Variants in ABTB3 observed in about 807,000 individuals in gnomAD.
ABTB3 encodes the protein ankyrin repeat- and BTB/POZ domain-containing protein 3.
At chr12:107,339,595 T>G in the ABTB3 span, among the ~76,000 whole-genome samples, 3 of 152,182 alleles carry the variant, frequency 2.0e-5, no homozygotes, top group Non-Finnish European at 2.9e-5. Flanking sequence ...GAAGCTTCAG[T>G]GTGTTTTCAT....
the ABTB3 span, among the ~76,000 whole-genome samples, chr12:107,446,586 G>A: frequency 6.6e-6 from 1 of 152,188 alleles, no homozygotes; most frequent in Non-Finnish European, 1.5e-5. Context: ...GTGACCAAAA[G>A]GAGCTCGGAG....
At chr12:107,511,249 A>C in the ABTB3 span, among the ~76,000 whole-genome samples, 2 of 152,260 alleles carry the variant, frequency 1.3e-5, no homozygotes, top group Non-Finnish European at 2.9e-5. Context: ...AAGCATTTTA[A>C]GACAACAAGT....
At chr12:107,470,615 C>T in the ABTB3 span, among the ~76,000 whole-genome samples, 40 of 152,300 alleles carry the variant, frequency 2.6e-4, no homozygotes, top group African/African-American at 8.7e-4. Flanking sequence ...ACTTGTCACT[C>T]GGAGCAGAGC....
chr12:107,651,887 G>A, the ABTB3 span: 1 of 994,118 alleles, frequency 1.0e-6, no homozygotes, highest in South Asian at 1.4e-5. Context: ...GTGGGTGCTG[G>A]GCCAGTTCTC....
At chr12:107,646,786 A>G in the ABTB3 span, among the ~76,000 whole-genome samples, 1 of 152,146 alleles carries the variant, frequency 6.6e-6, no homozygotes. Flanking sequence ...CTCTGACTCT[A>G]GTGAGAAACA....
the ABTB3 span, among the ~76,000 whole-genome samples, chr12:107,509,185 T>C: frequency 6.6e-6 from 1 of 151,976 alleles, no homozygotes; most frequent in Non-Finnish European, 1.5e-5. Flanking sequence ...TGTGGGAAAG[T>C]TGCAATGATA....
At chr12:107,469,866 T>TCTTTCTTTC in the ABTB3 span, among the ~76,000 whole-genome samples, 17 of 75,574 alleles carry the variant, frequency 2.2e-4, no homozygotes, top group African/African-American at 7.6e-4. Context: ...TCTTTCTTTC[T>TCTTTCTTTC]TTTCTTTCTT....
the ABTB3 span, among the ~76,000 whole-genome samples, chr12:107,504,673 C>G: frequency 1.3e-5 from 2 of 152,150 alleles, no homozygotes; most frequent in African/African-American, 4.8e-5. Flanking sequence ...GATCCTGGTA[C>G]TCTGCAGAAG....
At chr12:107,449,581 C>T in the ABTB3 span, among the ~76,000 whole-genome samples, 1 of 152,156 alleles carries the variant, frequency 6.6e-6, no homozygotes, top group African/African-American at 2.4e-5. Flanking sequence ...TACAGACTGT[C>T]TGAGTACCCT....
the ABTB3 span, among the ~76,000 whole-genome samples, chr12:107,582,543 C>T: frequency 1.1e-3 from 161 of 152,358 alleles, no homozygotes; most frequent in African/African-American, 3.5e-3. Flanking sequence ...AACAGCCCAT[C>T]TCAGGGAGAG....
the ABTB3 span, among the ~76,000 whole-genome samples, chr12:107,583,298 TTAGG>T: frequency 6.6e-6 from 1 of 152,220 alleles, no homozygotes; most frequent in Non-Finnish European, 1.5e-5. Flanking sequence ...AGGCTCCTAC[TTAGG>T]TATTATTCTA....
the ABTB3 span, among the ~76,000 whole-genome samples, chr12:107,391,179 T>A: frequency 2.0e-5 from 3 of 152,180 alleles, no homozygotes; most frequent in Non-Finnish European, 4.4e-5. Flanking sequence ...AAATATTTTA[T>A]TGAACCCTCA....
At chr12:107,497,151 C>G in the ABTB3 span, among the ~76,000 whole-genome samples, 3 of 151,996 alleles carry the variant, frequency 2.0e-5, no homozygotes, top group Non-Finnish European at 4.4e-5. Flanking sequence ...TCATCACAAC[C>G]GCCACCATCA....
At chr12:107,389,792 G>A in the ABTB3 span, among the ~76,000 whole-genome samples, 1 of 151,338 alleles carries the variant, frequency 6.6e-6, no homozygotes, top group African/African-American at 2.4e-5. Context: ...GTGCCTTGGT[G>A]GAAGATGGTT....
At chr12:107,464,728 G>C in the ABTB3 span, among the ~76,000 whole-genome samples, 1 of 152,212 alleles carries the variant, frequency 6.6e-6, no homozygotes, top group African/African-American at 2.4e-5. Context: ...GTCTAAGTAA[G>C]CTTATGTATT....
the ABTB3 span, among the ~76,000 whole-genome samples, chr12:107,654,171 T>A: frequency 2.0e-5 from 3 of 150,496 alleles, no homozygotes; most frequent in African/African-American, 7.3e-5. Flanking sequence ...CATATTTTGT[T>A]TATTCATTCA....
the ABTB3 span, among the ~76,000 whole-genome samples, chr12:107,496,750 TC>T: frequency 6.6e-6 from 1 of 152,054 alleles, no homozygotes; most frequent in African/African-American, 2.4e-5. Context: ...GCTGTTATCA[TC>T]CCCACTTTAC....
chr12:107,413,637 T>C, the ABTB3 span, among the ~76,000 whole-genome samples: 1 of 152,306 alleles, frequency 6.6e-6, no homozygotes, highest in African/African-American at 2.4e-5. Flanking sequence ...GAAAAAAAAT[T>C]GTCTGGAAGA....
the ABTB3 span, among the ~76,000 whole-genome samples, chr12:107,632,366 C>T: frequency 1.3e-5 from 2 of 152,204 alleles, no homozygotes; most frequent in Non-Finnish European, 2.9e-5. Context: ...GCAAGATGCA[C>T]GAGACACACC....
Sources: gnomAD v4.1 joint callset for allele counts (sites outside exome capture counted in the v4.1 genomes callset) on GRCh38, gnomAD v4.1.1 for gene constraint, MANE v1.5 for transcripts, NCBI Gene and HGNC (gene_info 2026-07-23, HGNC 2026-07-21) for gene names.